The following PCNX1 variants were observed in gnomAD, a reference collection of about 807,000 sequenced individuals.
PCNX1 encodes pecanex 1.
A neutral mutation model predicts 242.2 loss-of-function variants in PCNX1; 78 were observed. The ratio of observed to expected loss-of-function variants is 0.32; its 90% CI spans 0.27 to 0.39. The LOEUF is 0.39. Among genes scored for constraint, PCNX1 ranks in the 10% least tolerant of loss-of-function variants. PCNX1 has a pLI of 1.00. For missense variants in PCNX1, 2,581 were observed against 2,856.5 expected (o/e 0.90, Z 2.20); for synonymous variants, 1,024 against 1,032.9 (o/e 0.99, Z 0.17).
chr14:71,012,006 C>G (rs903910993), intron 10 of PCNX1: 1 of 158,380 alleles, frequency 6.3e-6, no homozygotes, highest in African/African-American at 2.4e-5. Flanking sequence ...TAGCAAAATG[C>G]TGCCTAGTAC....
intron 14 of PCNX1, 82 bp downstream of exon 14, chr14:71,026,370 C>T (rs1484350099): frequency 1.2e-6 from 1 of 842,112 alleles, no homozygotes; most frequent in Admixed American, 3.1e-5. Context: ...ATCAATTATA[C>T]AGCTTTAGTT....
chr14:70,968,082 AT>A, intron 3 of PCNX1, 115 bp from the exon 4 acceptor site: 1 of 774,060 alleles, frequency 1.3e-6, no homozygotes, highest in Admixed American at 2.3e-5. Flanking sequence ...ATTGATAAAA[AT>A]GATCGATAAC....
At chr14:71,009,746 G>C (rs1354198758) in intron 9 of PCNX1, 22 bp downstream of exon 9, 1 of 1,373,626 alleles carries the variant, frequency 7.3e-7, no homozygotes, top group Non-Finnish European at 1.0e-6. Context: ...GTCATATTAG[G>C]AGTGTGTGTA....
chr14:71,009,761 CAT>C (rs770784757), intron 9 of PCNX1, 37 bp downstream of exon 9: 45 of 1,199,000 alleles, frequency 3.8e-5, no homozygotes, highest in African/African-American at 2.1e-4. Context: ...TGTGTACTTT[CAT>C]ATGTTTGCCA....
intron 2 of PCNX1, among the ~76,000 whole-genome samples, chr14:70,950,315 T>C (rs1308589154): frequency 6.6e-6 from 1 of 152,148 alleles, no homozygotes; most frequent in Non-Finnish European, 1.5e-5. Flanking sequence ...TGATAGGTAC[T>C]CAGCAAATAT....
intron 6 of PCNX1, among the ~76,000 whole-genome samples, chr14:70,988,156 A>G (rs540922591): frequency 5.9e-5 from 9 of 152,330 alleles, no homozygotes; most frequent in Non-Finnish European, 1.0e-4. Flanking sequence ...TACGAATATA[A>G]GAAACTAATG....
chr14:70,972,925 T>A (rs1165074163), intron 5 of PCNX1, among the ~76,000 whole-genome samples: 1 of 152,036 alleles, frequency 6.6e-6, no homozygotes, highest in African/African-American at 2.4e-5. Flanking sequence ...GAAAACTGGA[T>A]AAGATTTACA....
chr14:70,969,140 A>C, intron 5 of PCNX1, 30 bp downstream of exon 5: 59 of 1,301,448 alleles, frequency 4.5e-5, no homozygotes, highest in Middle Eastern at 1.8e-4. Context: ...CCATGATGTC[A>C]TATACTGTGG....
intron 2 of PCNX1, among the ~76,000 whole-genome samples, chr14:70,948,852 T>C (rs1018111345): frequency 6.7e-6 from 1 of 148,430 alleles, no homozygotes; most frequent in Non-Finnish European, 1.5e-5. Context: ...TGTATGTGTG[T>C]ATATATACAC....
chr14:71,052,085 T>C, intron 24 of PCNX1, 73 bp downstream of exon 24: 1 of 1,071,076 alleles, frequency 9.3e-7, no homozygotes, highest in Non-Finnish European at 1.3e-6. Flanking sequence ...AGCATTATTA[T>C]TAGAATTTAT....
At chr14:71,081,459 G>C (rs572401578) in intron 28 of PCNX1, among the ~76,000 whole-genome samples, 1 of 152,116 alleles carries the variant, frequency 6.6e-6, no homozygotes, top group Non-Finnish European at 1.5e-5. Context: ...GCTCTTCTTC[G>C]TACCTCTGGT....
Position 71,113,304 on chromosome 14 carries a change from TAAAAC to T in PCNX1, c.*3371_*3375del, listed in dbSNP as rs1186778204. ...GTATATCTGAACTACTTATAATTCT[TAAAAC>T]AGAAGTAGTCAGACAATATTTGTAT... On this transcript the variant is annotated 3_prime_UTR_variant, in exon 36 of 36. Coordinates refer to ENST00000304743, the MANE Select transcript of PCNX1 (RefSeq NM_014982.3). The T allele has an allele frequency of 1.3e-5, 2 of 152,516 alleles. No homozygotes were observed. Among genetic ancestry groups the T allele is most frequent in the East Asian group, 1.9e-4 (1 of 5,204 alleles). The allele number at this position is 152,516 out of a possible 1,614,324, so 9.4% of individuals were successfully genotyped here.
chr14:71,082,987 A>G (rs1300136810), intron 28 of PCNX1, among the ~76,000 whole-genome samples: 1 of 152,082 alleles, frequency 6.6e-6, no homozygotes, highest in African/African-American at 2.4e-5. Context: ...AGTGGCTGGT[A>G]CTGGTTTTTC....
intron 26 of PCNX1, among the ~76,000 whole-genome samples, chr14:71,068,426 A>G (rs2061503542): frequency 6.9e-6 from 1 of 145,080 alleles, no homozygotes; most frequent in African/African-American, 2.5e-5. Flanking sequence ...TTATATGTAT[A>G]TGTATATATG....
intron 6 of PCNX1, among the ~76,000 whole-genome samples, chr14:70,983,253 T>C (rs1162912528): frequency 1.3e-5 from 2 of 152,196 alleles, no homozygotes; most frequent in Admixed American, 1.3e-4. Context: ...GGTGGACTTG[T>C]GGAAAATATC....
chr14:71,068,775 TCTACAC>T lies in PCNX1; in HGVS notation c.4853-4769_4853-4764del, dbSNP rs1371851124. Among the ~76,000 whole-genome samples, 6 of 144,068 alleles carry T rather than the reference TCTACAC, an allele frequency of 4.2e-5. 2 individuals carry two copies. The highest frequency in any genetic ancestry group is 1.6e-4 in the African/African-American group (6 of 37,348). 94.5% of individuals were successfully genotyped at this position (144,068 alleles called of 152,430 possible). On this transcript the variant is annotated intron_variant, in intron 26 of 35. Transcript: ENST00000304743. The stretch of plus-strand genomic sequence containing the variant: ...ATATACATTATATATTATGTATACT[TCTACAC>T]ATACATACATATATGGATATATACA...
intron 2 of PCNX1, among the ~76,000 whole-genome samples, chr14:70,950,599 C>T (rs1335109237): frequency 6.6e-6 from 1 of 152,012 alleles, no homozygotes; most frequent in East Asian, 1.9e-4. Context: ...ACCAGAAATT[C>T]AGCTGCCTCT....
intron 5 of PCNX1, among the ~76,000 whole-genome samples, chr14:70,975,538 G>A (rs2058665875): frequency 6.6e-6 from 1 of 151,906 alleles, no homozygotes; most frequent in Admixed American, 6.6e-5. Flanking sequence ...AATCTTAGGG[G>A]GAAATGTCTG....
rs1202941154 is a variant in PCNX1, at chr14:71,023,244, T to A, written c.3183+12T>A. 4 of 1,569,080 alleles carry A rather than the reference T, an allele frequency of 2.5e-6. No individual in the cohort carries two copies. The highest frequency in any genetic ancestry group is 3.5e-6 in the Non-Finnish European group (4 of 1,139,530). ...CTTCTCCCAGACATGTAAGTCACTC[T>A]TAATATGGCTGTACATTATAGGTCC... On this transcript the variant is annotated intron_variant, in intron 13 of 35. Transcript: ENST00000304743.
Sources: gnomAD v4.1 joint callset for allele counts (sites outside exome capture counted in the v4.1 genomes callset) on GRCh38, gnomAD v4.1.1 for gene constraint, MANE v1.5 for transcripts, NCBI Gene and HGNC (gene_info 2026-07-23, HGNC 2026-07-21) for gene names.